Variants in MYH11 observed in about 807,000 individuals in gnomAD.
MYH11 encodes the protein myosin-11.
A neutral mutation model predicts 246.6 loss-of-function variants in MYH11; 80 were observed. The observed-to-expected ratio is 0.32, with a 90% CI of 0.27 to 0.39. MYH11 has a LOEUF of 0.39. Among genes scored for constraint, MYH11 ranks in the 10% least tolerant of loss-of-function variants. MYH11 has a pLI of 1.00. For missense variants in MYH11, 2,158 were observed against 2,546.8 expected (o/e 0.85, Z 3.29); for synonymous variants, 1,071 against 1,015.5 (o/e 1.05, Z -1.04).
chr16:15,790,624 G>A (rs1163613535), intron 4 of MYH11, among the ~76,000 whole-genome samples: 2 of 152,188 alleles, frequency 1.3e-5, no homozygotes, highest in Non-Finnish European at 2.9e-5. Context: ...CTCTAGGGGT[G>A]AAGATGCCTT....
At chr16:15,760,686 T>C (rs771455678) in intron 10 of MYH11, 28 bp from the exon 11 acceptor site, 1 of 1,427,730 alleles carries the variant, frequency 7.0e-7, no homozygotes, top group Non-Finnish European at 9.9e-7. Context: ...ACATCGTGAG[T>C]GCATCACAAA....
rs3851705 is a variant in MYH11 at position 15,856,735 on chromosome 16, A to G, written c.-18+206T>C. Among the ~76,000 whole-genome samples, 39,113 of 151,722 alleles carry G rather than the reference A, an allele frequency of 0.26. 5,719 individuals are homozygous for G. The highest frequency in any genetic ancestry group is 0.6 in the East Asian group (3,072 of 5,142). On this transcript the variant is annotated intron_variant, in intron 1 of 40. Coordinates refer to ENST00000300036, the MANE Select transcript of MYH11 (RefSeq NM_002474.3). ...AATGGTACTTCTCACTGGCAATCTT[A>G]AGAAATGCTGTTTGGGGAAAGTCTA...
rs2039302940 is a variant in MYH11, at chr16:15,703,674, G to C, written c.*317C>G. 2.3e-6 allele frequency: 1 copy of C among 443,856 alleles called. No homozygotes were observed. Among genetic ancestry groups the C allele is most frequent in the Middle Eastern group, 5.9e-4 (1 of 1,702 alleles). The allele number at this position is 443,856 out of a possible 1,614,324, so 27.5% of individuals were successfully genotyped here. On this transcript the variant is annotated 3_prime_UTR_variant, in exon 41 of 41. Coordinates refer to ENST00000300036, the MANE Select transcript of MYH11 (RefSeq NM_002474.3). ...TGCAATTATAGCTCATTGCAGCCTC[G>C]AAGTCCTGGGCTGGAGCGTTCTTCC...
chr16:15,735,222 C>G, intron 26 of MYH11, 144 bp downstream of exon 26: 2 of 823,166 alleles, frequency 2.4e-6, no homozygotes, highest in Non-Finnish European at 4.0e-6. Flanking sequence ...GCCAACCATG[C>G]TTCTATAAGT....
At chr16:15,796,591 C>T (rs1001392714) in intron 4 of MYH11, among the ~76,000 whole-genome samples, 5 of 152,162 alleles carry the variant, frequency 3.3e-5, no homozygotes. Flanking sequence ...GGATCAAATG[C>T]CTCTGTGGCT....
Position 15,715,249 on chromosome 16 carries a change from G to A in MYH11, c.5528C>T (p.Ser1843Leu), listed in dbSNP as rs148621523. The A allele has an allele frequency of 6.1e-5, 98 of 1,614,032 alleles. No individual in the cohort carries two copies. The highest frequency in any genetic ancestry group is 4.7e-4 in the African/African-American group (35 of 74,998). Reference sequence around the variant, plus strand: ...CAGCTTCTTGTCTTTCTGCTTCAGCGACTTGGTGGCCGCCTGTTTCTCTCT... The same window carrying A: ...CAGCTTCTTGTCTTTCTGCTTCAGCAACTTGGTGGCCGCCTGTTTCTCTCT... The part of the protein sequence containing the change: ...EAREKQAATK[S>L]LKQKDKKLKE... Residue 1843 changes from serine (S) to leucine (L), a missense_variant, in exon 39 of 41, where the codon TCG (serine) becomes TTG (leucine). Transcript: ENST00000300036.
chr16:15,853,136 A>G (rs569456649), intron 1 of MYH11, among the ~76,000 whole-genome samples: 92 of 152,186 alleles, frequency 6.0e-4, no homozygotes, highest in African/African-American at 2.2e-3. Flanking sequence ...CTGGTACAGT[A>G]AAGTTCTATG....
At position 15,820,486 on chromosome 16, in the gene MYH11, A is replaced by C. The variant is rs556822070; in HGVS notation, c.502+2769T>G. On this transcript the variant is annotated intron_variant, in intron 3 of 40. Transcript: ENST00000300036. ...GGAAACTCCATCCGGAAAAAAAAAA[A>C]AAAAAAGAAAGAAAGAAAGACAAAA... is the stretch of plus-strand genomic sequence containing the variant. Among the ~76,000 whole-genome samples the C allele has an allele frequency of 7.9e-5, 12 of 151,986 alleles. No homozygotes were observed. In the South Asian group the frequency reaches 1.2e-3, roughly 16 times the overall value.
chr16:15,788,345 A>T (rs1356739719), intron 4 of MYH11, among the ~76,000 whole-genome samples: 1 of 151,252 alleles, frequency 6.6e-6, no homozygotes, highest in Non-Finnish European at 1.5e-5. Context: ...AATATAAGAG[A>T]GTTTTTTTTT....
At chr16:15,753,031 A>G (rs1056776057) in intron 15 of MYH11, among the ~76,000 whole-genome samples, 1 of 152,170 alleles carries the variant, frequency 6.6e-6, no homozygotes, top group African/African-American at 2.4e-5. Context: ...GCTTAATGAC[A>G]TCAAGTGACT....
chr16:15,712,809 T>A (rs909017840), intron 40 of MYH11: 1 of 150,194 alleles, frequency 6.7e-6, no homozygotes, highest in African/African-American at 2.5e-5. Context: ...CTCTGGCCAT[T>A]AGTGTCACCC....
chr16:15,727,085 A>G, intron 27 of MYH11, 31 bp from the exon 28 acceptor site: 1 of 1,607,456 alleles, frequency 6.2e-7, no homozygotes, highest in Admixed American at 1.7e-5. Flanking sequence ...GAGGGATAAC[A>G]GGGAGGCTGT....
intron 3 of MYH11, among the ~76,000 whole-genome samples, chr16:15,814,309 T>G (rs762191151): frequency 2.6e-4 from 40 of 151,712 alleles, no homozygotes; most frequent in Non-Finnish European, 4.7e-4. Flanking sequence ...TCCCAGCACT[T>G]TGGGAGGCCG....
In MYH11 at chr16:15,732,086, C is replaced by T. The variant is rs1022500991; in HGVS notation, c.3651+478G>A. Reference sequence around the variant, plus strand: ...AAGTGATTCTCCTGCCTCAGCCTCCCGAGTAGCTGGGATTACAGGCATGCA... The same window carrying T: ...AAGTGATTCTCCTGCCTCAGCCTCCTGAGTAGCTGGGATTACAGGCATGCA... On this transcript the variant is annotated intron_variant, in intron 27 of 40. Transcript: ENST00000300036. Among the ~76,000 whole-genome samples the T allele has an allele frequency of 2.2e-3, 341 of 152,206 alleles. 4 individuals are homozygous for T. The highest frequency in any genetic ancestry group is 9.0e-4 in the Non-Finnish European group (61 of 68,028).
rs757501817 is a variant in MYH11 at position 15,718,363 on chromosome 16, C to T, written c.5247G>A (p.Gln1749=). The part of the protein sequence containing the change: ...AQLEEELEEE[Q]GNMEAMSDRV... ...GGTCGCTCATGGCCTCCATGTTGCC[C>T]TGCTCCTCCTCCAGCTCCTCCTCCA... Residue 1749 remains glutamine (Q), a synonymous_variant, in exon 37 of 41, where the codon CAG becomes CAA. Transcript: ENST00000300036. The T allele has an allele frequency of 1.9e-4, 311 of 1,608,002 alleles. No individual in the cohort carries two copies. Among genetic ancestry groups the T allele is most frequent in the Non-Finnish European group, 2.6e-4 (301 of 1,179,452 alleles).
At chr16:15,722,658 T>C (rs1316655669) in intron 31 of MYH11, among the ~76,000 whole-genome samples, 4 of 152,138 alleles carry the variant, frequency 2.6e-5, no homozygotes, top group African/African-American at 7.2e-5. Context: ...TGGGATGTTA[T>C]CTAGAATCCT....
intron 40 of MYH11, among the ~76,000 whole-genome samples, chr16:15,710,289 G>A (rs939241363): frequency 4.6e-5 from 7 of 152,112 alleles, no homozygotes; most frequent in Admixed American, 1.3e-4. Context: ...TTGGGAGACC[G>A]AGGCAGGTGG....
At chr16:15,839,078 C>G (rs558955886) in intron 1 of MYH11, among the ~76,000 whole-genome samples, 1 of 151,672 alleles carries the variant, frequency 6.6e-6, no homozygotes, top group Non-Finnish European at 1.5e-5. Flanking sequence ...GGCATGGTAG[C>G]GCACACCTGT....
intron 9 of MYH11, among the ~76,000 whole-genome samples, chr16:15,767,268 A>G (rs1210404725): frequency 1.3e-5 from 2 of 152,118 alleles, no homozygotes; most frequent in African/African-American, 4.8e-5. Context: ...CATGAGTCTC[A>G]ATAAGTCCCA....
Sources: gnomAD v4.1 joint callset for allele counts (sites outside exome capture counted in the v4.1 genomes callset) on GRCh38, gnomAD v4.1.1 for gene constraint, MANE v1.5 for transcripts, NCBI Gene and HGNC (gene_info 2026-07-23, HGNC 2026-07-21) for gene names.